VPS35L: variants seen among roughly 807,000 people sequenced by gnomAD.
VPS35L encodes the protein VPS35 endosomal protein-sorting factor-like.
VPS35L carries 83 observed loss-of-function variants against 133.0 expected under a neutral mutation model. The ratio of observed to expected loss-of-function variants is 0.62; its 90% CI spans 0.52 to 0.75. The LOEUF is 0.75. Ranked by LOEUF, VPS35L falls within the 30% of genes least tolerant of loss-of-function variation. VPS35L has a pLI of 0.00. For missense variants in VPS35L, 1,083 were observed against 1,206.8 expected, an observed-to-expected ratio of 0.90 and a Z score of 1.52; for synonymous variants, 423 against 449.9, an observed-to-expected ratio of 0.94 and a Z score of 0.76.
chr16:19,581,599 GA>G lies in VPS35L; in HGVS notation c.587del (p.Lys196ArgfsTer10). 1.2e-6 allele frequency: 2 copies of G among 1,614,152 alleles called. No individual in the cohort carries two copies. Among genetic ancestry groups the G allele is most frequent in the Non-Finnish European group, 1.7e-6 (2 of 1,180,014 alleles). ...GCATAGAGGAGCTCAACCAATCGCT[GA>G]AGGATGCCTGGGCCTCAGACCAGAA... Reference protein sequence around the residue: ...NRIEELNQSLKDAWASDQKVK... With the variant: ...NRIEELNQSLXDAWASDQKVK... On this transcript the variant is annotated frameshift_variant, in exon 7 of 31. Coordinates refer to ENST00000417362, the MANE Select transcript of VPS35L (RefSeq NM_020314.7). LOFTEE classifies it high-confidence loss of function.
intron 26 of VPS35L, among the ~76,000 whole-genome samples, chr16:19,667,942 A>G (rs956181162): frequency 1.3e-5 from 2 of 152,080 alleles, no homozygotes; most frequent in African/African-American, 4.8e-5. Flanking sequence ...AGCCAGGCAA[A>G]GAAGCTTCCA....
chr16:19,626,752 C>T (rs1452543743), intron 15 of VPS35L, among the ~76,000 whole-genome samples: 6 of 151,876 alleles, frequency 4.0e-5, no homozygotes, highest in African/African-American at 9.7e-5. Flanking sequence ...CAGAGTGAGA[C>T]GCTGTCTCAA....
At chr16:19,587,629 C>T (rs1274313559) in intron 7 of VPS35L, among the ~76,000 whole-genome samples, 23 of 145,878 alleles carry the variant, frequency 1.6e-4, no homozygotes, top group Admixed American at 5.5e-4. Context: ...AGTGAAACTC[C>T]GTCTCAAAAA....
At chr16:19,697,457 C>T (rs1303547280) in intron 29 of VPS35L, among the ~76,000 whole-genome samples, 2 of 152,156 alleles carry the variant, frequency 1.3e-5, no homozygotes, top group Non-Finnish European at 1.5e-5. Flanking sequence ...GCCTCAGCCT[C>T]CTGAGTAGCT....
At chr16:19,629,955 A>T in intron 18 of VPS35L, 135 bp downstream of exon 18, 2 of 760,468 alleles carry the variant, frequency 2.6e-6, no homozygotes, top group South Asian at 3.4e-5. Flanking sequence ...TGCATTCTTC[A>T]TAATAAAGCG....
rs567509077 is a variant in VPS35L at position 19,601,801 on chromosome 16, T to C, written c.784+78T>C. 26 of 1,423,576 alleles carry C rather than the reference T, an allele frequency of 1.8e-5. No homozygotes were observed. In the East Asian group the frequency reaches 2.6e-4, roughly 14 times the overall value. 88.2% of individuals were successfully genotyped at this position (1,423,576 alleles called of 1,614,324 possible). ...AAGGCTTTTATTGAGTCAGGATTCATTGAAGCTTGATAAAGGTTTTAATTT... is the reference window on the plus strand; with the variant it reads ...AAGGCTTTTATTGAGTCAGGATTCACTGAAGCTTGATAAAGGTTTTAATTT... On this transcript the variant is annotated intron_variant, in intron 9 of 30. Transcript: ENST00000417362.
At chr16:19,578,373 CAA>C (rs35605554) in intron 5 of VPS35L, 500 of 355,870 alleles carry the variant, frequency 1.4e-3, no homozygotes, top group South Asian at 2.0e-3. Context: ...GACCCCATCT[CAA>C]AAAAAAAAAA....
intron 27 of VPS35L, among the ~76,000 whole-genome samples, chr16:19,679,747 C>T (rs982048510): frequency 2.6e-5 from 4 of 152,114 alleles, no homozygotes; most frequent in African/African-American, 9.7e-5. Flanking sequence ...TCAAGGGATC[C>T]GCCCATCTCG....
intron 10 of VPS35L, chr16:19,608,490 A>G (rs775977365): frequency 2.3e-5 from 12 of 519,290 alleles, no homozygotes; most frequent in African/African-American, 2.3e-4. Flanking sequence ...TTTGAATACG[A>G]TGCCATGTGT....
rs1436639686 is a variant in VPS35L at position 19,699,616 on chromosome 16, C to G, written c.2761C>G (p.Gln921Glu). The G allele has an allele frequency of 6.2e-7, 1 of 1,614,064 alleles. No homozygotes were observed. Among genetic ancestry groups the G allele is most frequent in the African/African-American group, 1.3e-5 (1 of 75,066 alleles). The change falls in exon 30 of 31, where the codon CAG (glutamine) becomes GAG (glutamate). Residue 921 changes from glutamine to glutamate, a missense_variant. Gln to Glu is a conservative substitution (Grantham distance 29). Coordinates refer to ENST00000417362, the MANE Select transcript of VPS35L (RefSeq NM_020314.7). This position sits in a 1 kb window ranked among gnomAD's most constrained non-coding sequence, Gnocchi z 4.2. Reference sequence around the variant, plus strand: ...CTCCGTCAACCTGTGGCACCTGGCACAGAGGCACGGCTGTGCAGACACCAG... The same window carrying G: ...CTCCGTCAACCTGTGGCACCTGGCAGAGAGGCACGGCTGTGCAGACACCAG... The part of the protein sequence containing the change: ...QLSVNLWHLA[Q>E]RHGCADTRTM...
At chr16:19,609,908 C>A (rs892672429) in intron 11 of VPS35L, among the ~76,000 whole-genome samples, 8 of 152,154 alleles carry the variant, frequency 5.3e-5, no homozygotes, top group Middle Eastern at 3.4e-3. Flanking sequence ...ATGTCAGATG[C>A]CAGCCTGAGA....
At chr16:19,647,712 A>C in intron 23 of VPS35L, 72 bp from the exon 24 acceptor site, 1 of 1,143,122 alleles carries the variant, frequency 8.7e-7, no homozygotes, top group South Asian at 1.2e-5. Flanking sequence ...ATAATATTTC[A>C]GTCATACCAT....
In VPS35L at chr16:19,569,604, A is replaced by T; in HGVS notation, c.285+13A>T. The T allele has an allele frequency of 6.6e-7, 1 of 1,520,672 alleles. No homozygotes were observed. The highest frequency in any genetic ancestry group is 8.8e-7 in the Non-Finnish European group (1 of 1,135,680). 94.2% of individuals were successfully genotyped at this position (1,520,672 alleles called of 1,614,324 possible). ...GGCAGCTGCCATGGTAATGCACCCC[A>T]GCCATGGTCGTCCAGTGGGGGTTGG... On this transcript the variant is annotated intron_variant, in intron 3 of 30. Coordinates refer to ENST00000417362, the MANE Select transcript of VPS35L (RefSeq NM_020314.7).
chr16:19,686,608 G>A (rs770188324), intron 28 of VPS35L, among the ~76,000 whole-genome samples: 4 of 152,088 alleles, frequency 2.6e-5, no homozygotes, highest in Non-Finnish European at 5.9e-5. Flanking sequence ...AGAGATTGTG[G>A]GCTATTTTTA....
chr16:19,679,148 T>TGGGGAGGC (rs1202049439), intron 27 of VPS35L, among the ~76,000 whole-genome samples: 2 of 3,164 alleles, frequency 6.3e-4, no homozygotes, highest in African/African-American at 1.1e-3. Context: ...GGGGCGGGGG[T>TGGGGAGGC]GGGGAGGCGG....
intron 26 of VPS35L, among the ~76,000 whole-genome samples, chr16:19,662,529 C>T (rs951794639): frequency 3.9e-5 from 6 of 152,128 alleles, no homozygotes; most frequent in Admixed American, 3.3e-4. Context: ...GATTAAATGA[C>T]AAAGGTCTCG....
At position 19,629,917 on chromosome 16, in the gene VPS35L, G is replaced by A. The variant is rs775286572; in HGVS notation, c.1554+97G>A. 46 of 1,107,676 alleles carry A rather than the reference G, an allele frequency of 4.2e-5. 1 individual carries two copies. The highest frequency in any genetic ancestry group is 4.9e-4 in the Middle Eastern group (2 of 4,090). 68.6% of individuals were successfully genotyped at this position (1,107,676 alleles called of 1,614,324 possible). ...TTTAGGTATTGAGGCATTTGACAAC[G>A]GTACTTGCTCTTGTAATTTATAAAA... On this transcript the variant is annotated intron_variant, in intron 18 of 30. Transcript: ENST00000417362.
chr16:19,601,555 T>TA (rs3216771), intron 8 of VPS35L, 109 bp from the exon 9 acceptor site: 258,701 of 1,102,776 alleles, frequency 0.23, 33,703 homozygotes, highest in East Asian at 0.46. Context: ...CATCACAAGT[T>TA]AAAGCCTGTC....
chr16:19,570,885 A>ATTTTTTTTTTT (rs1971359397), intron 3 of VPS35L, among the ~76,000 whole-genome samples: 4 of 77,184 alleles, frequency 5.2e-5, no homozygotes, highest in African/African-American at 2.4e-4. Context: ...ATATATATAT[A>ATTTTTTTTTTT]TATATTTTTG....
Sources: allele counts gnomAD v4.1 joint callset (sites outside exome capture counted in the v4.1 genomes callset), GRCh38; gene constraint gnomAD v4.1.1; non-coding constraint Gnocchi (gnomAD v3.1); transcripts MANE v1.5; gene names NCBI Gene and HGNC (gene_info 2026-07-23, HGNC 2026-07-21).